SAMD5: variants seen among roughly 807,000 people sequenced by gnomAD.
SAMD5 encodes sterile alpha motif domain-containing protein 5.
In SAMD5, 13 loss-of-function variants were observed where a neutral mutation model predicts 11.3. That is an observed-to-expected ratio of 1.15 (90% CI 0.75 to 1.83). The LOEUF is 1.83. Among genes scored for constraint, SAMD5 ranks in the 40% most tolerant of loss-of-function variants. The pLI, the probability that SAMD5 is intolerant of heterozygous loss-of-function variation, is 0.00. For synonymous variants in SAMD5, 129 were observed against 111.3 expected (o/e 1.16, Z -1.00); for missense variants, 255 against 239.1 (o/e 1.07, Z -0.44).
chr6:147,927,524 ACT>A, the SAMD5 span, among the ~76,000 whole-genome samples: 1 of 151,998 alleles, frequency 6.6e-6, no homozygotes, highest in Non-Finnish European at 1.5e-5. Flanking sequence ...GTATACTGAA[ACT>A]CTGCTGAAAC....
chr6:147,701,671 A>G lies in SAMD5; in HGVS notation c.163-35646A>G, dbSNP rs1341979015. 2.0e-5 allele frequency among the ~76,000 whole-genome samples: 3 copies of G among 147,360 alleles called. No individual in the cohort carries two copies. The South Asian group carries it at 6.6e-4, about 32-fold the overall frequency. On this transcript the variant is annotated intron_variant, in intron 1 of 1. Coordinates refer to the SAMD5 transcript ENST00000566741. ...CTGTCTCAAAAAAAAAAAAAAAATT[A>G]AAAACTGAATGATATGTATTCAGTT... is the stretch of plus-strand genomic sequence containing the variant.
rs1295864451 is a variant in SAMD5 at position 147,509,164 on chromosome 6, A to T, written c.236A>T (p.Gln79Leu). ...GGCCTCTACTTCACGCTTGAGCCGC[A>T]GCCGGCGCCCCCCGGGCCGCCCGCC... ...AAGLYFTLEP[Q>L]PAPPGPPADA... The change falls in exon 1 of 2, where the codon CAG becomes CTG. Residue 79 changes from glutamine (Q) to leucine (L), a missense_variant. Gln to Leu is a moderately radical substitution (Grantham distance 113). Transcript: ENST00000367474. The T allele has an allele frequency of 7.3e-7, 1 of 1,374,438 alleles. No homozygotes were observed. Among genetic ancestry groups the T allele is most frequent in the Non-Finnish European group, 9.4e-7 (1 of 1,063,764 alleles). The allele number at this position is 1,374,438 out of a possible 1,614,324, so 85.1% of individuals were successfully genotyped here.
the SAMD5 span, among the ~76,000 whole-genome samples, chr6:147,923,204 C>T: frequency 6.6e-6 from 1 of 152,158 alleles, no homozygotes; most frequent in African/African-American, 2.4e-5. Context: ...GAATAGGGAG[C>T]TCCAGAATGC....
the SAMD5 span, among the ~76,000 whole-genome samples, chr6:147,777,949 T>C: frequency 6.6e-6 from 1 of 152,208 alleles, no homozygotes; most frequent in Non-Finnish European, 1.5e-5. Context: ...TTTTGGCTAT[T>C]GTTAATAATG....
chr6:147,760,145 G>A, the SAMD5 span, among the ~76,000 whole-genome samples: 1 of 152,036 alleles, frequency 6.6e-6, no homozygotes, highest in Non-Finnish European at 1.5e-5. Context: ...TATATCCTAG[G>A]CCAGAAAGTA....
chr6:147,658,506 A>T (rs2128454113), intron 1 of SAMD5, among the ~76,000 whole-genome samples: 1 of 152,252 alleles, frequency 6.6e-6, no homozygotes, highest in Admixed American at 6.5e-5. Context: ...ATTCATCTCA[A>T]AGTGTAGCAA....
At chr6:147,603,990 T>G (rs1452138101) in intron 1 of SAMD5, among the ~76,000 whole-genome samples, 1 of 152,208 alleles carries the variant, frequency 6.6e-6, no homozygotes, top group Non-Finnish European at 1.5e-5. Context: ...GGCATGTATA[T>G]TTTTAGGCCT....
intron 1 of SAMD5, among the ~76,000 whole-genome samples, chr6:147,722,533 C>T (rs1403327110): frequency 6.6e-6 from 1 of 152,104 alleles, no homozygotes; most frequent in Non-Finnish European, 1.5e-5. Context: ...TTTCCCTGGC[C>T]CCTCTCCCTA....
intron 1 of SAMD5, among the ~76,000 whole-genome samples, chr6:147,537,053 A>C (rs1788521713): frequency 1.3e-5 from 2 of 152,126 alleles, no homozygotes; most frequent in South Asian, 4.1e-4. Context: ...ACAATTGATG[A>C]GGAAATTTAC....
intron 1 of SAMD5, chr6:147,730,074 C>CAAAAAAA (rs34624038): frequency 1.7e-3 from 508 of 307,618 alleles, no homozygotes; most frequent in South Asian, 2.4e-3. Context: ...GACTCTGTCT[C>CAAAAAAA]AAAAAAAAAA....
At chr6:147,857,279 G>A in the SAMD5 span, among the ~76,000 whole-genome samples, 1 of 151,276 alleles carries the variant, frequency 6.6e-6, no homozygotes, top group South Asian at 2.1e-4. Context: ...AAGGTGGAAG[G>A]ATTGCTTGAG....
At chr6:147,860,285 T>C in the SAMD5 span, among the ~76,000 whole-genome samples, 1 of 152,342 alleles carries the variant, frequency 6.6e-6, no homozygotes, top group East Asian at 1.9e-4. Flanking sequence ...CCAGTGATAT[T>C]GGACTAAGGT....
At chr6:147,813,323 T>C in the SAMD5 span, among the ~76,000 whole-genome samples, 1 of 152,200 alleles carries the variant, frequency 6.6e-6, no homozygotes, top group Non-Finnish European at 1.5e-5. Context: ...CAAACTCAAA[T>C]TGAATTGAGA....
intron 1 of SAMD5, chr6:147,733,875 C>T (rs775100846): frequency 1.9e-5 from 5 of 256,960 alleles, no homozygotes; most frequent in Non-Finnish European, 2.4e-5. Context: ...GGAAAAGCGC[C>T]ATTCCCTCGG....
chr6:147,870,431 GGTGTGTGTGTGTGTGTGAGTGTGT>G, the SAMD5 span, among the ~76,000 whole-genome samples: 5 of 138,388 alleles, frequency 3.6e-5, no homozygotes, highest in South Asian at 4.7e-4. Context: ...CATCCCCTTT[GGTGTGTGTGTGTGTGTGAGTGTGT>G]GTGTGTGTGT....
At chr6:147,723,372 T>A (rs1263611030) in intron 1 of SAMD5, among the ~76,000 whole-genome samples, 2 of 152,208 alleles carry the variant, frequency 1.3e-5, no homozygotes, top group Non-Finnish European at 1.5e-5. Context: ...GCTTTTATTC[T>A]TCCCCCAAAA....
the SAMD5 span, among the ~76,000 whole-genome samples, chr6:147,814,133 G>A: frequency 6.6e-6 from 1 of 152,092 alleles, no homozygotes; most frequent in Non-Finnish European, 1.5e-5. Context: ...TGCCTACATA[G>A]GCATAGGATC....
At chr6:147,847,155 C>T in the SAMD5 span, among the ~76,000 whole-genome samples, 2 of 152,146 alleles carry the variant, frequency 1.3e-5, no homozygotes, top group Non-Finnish European at 2.9e-5. Context: ...CTGCCTCTTT[C>T]CTCTCTTCCT....
At chr6:147,892,039 C>T in the SAMD5 span, among the ~76,000 whole-genome samples, 2 of 152,196 alleles carry the variant, frequency 1.3e-5, no homozygotes, top group Non-Finnish European at 2.9e-5. Flanking sequence ...TCACATTGCA[C>T]GGCTAGCCTT....
Sources: allele counts gnomAD v4.1 joint callset (sites outside exome capture counted in the v4.1 genomes callset), GRCh38; gene constraint gnomAD v4.1.1; transcripts MANE v1.5; gene names NCBI Gene and HGNC (gene_info 2026-07-23, HGNC 2026-07-21).